The following PDE8A variants were observed in gnomAD, a reference collection of about 807,000 sequenced individuals.
PDE8A encodes the protein phosphodiesterase 8A, also known as high affinity cAMP-specific and IBMX-insensitive 3',5'-cyclic phosphodiesterase 8A.
PDE8A carries 59 observed loss-of-function variants against 105.0 expected under a neutral mutation model. The ratio of observed to expected loss-of-function variants is 0.56; its 90% CI spans 0.46 to 0.70. The LOEUF (loss-of-function observed/expected upper bound fraction) is 0.70, where lower values mean the gene tolerates loss of function less well. Among genes scored for constraint, PDE8A ranks in the 30% least tolerant of loss-of-function variants. The pLI is 0.00. For missense variants in PDE8A, 1,014 were observed against 1,045.9 expected, an observed-to-expected ratio of 0.97 and a Z score of 0.42; for synonymous variants, 355 against 371.9, an observed-to-expected ratio of 0.95 and a Z score of 0.52.
intron 1 of PDE8A, among the ~76,000 whole-genome samples, chr15:85,032,914 A>C (rs969314778): frequency 6.6e-6 from 1 of 152,144 alleles, no homozygotes; most frequent in African/African-American, 2.4e-5. Context: ...CTCCATATTC[A>C]AAAAAATTTT....
intron 3 of PDE8A, among the ~76,000 whole-genome samples, chr15:85,070,370 G>A (rs1373266450): frequency 2.0e-5 from 3 of 152,204 alleles, no homozygotes; most frequent in African/African-American, 7.2e-5. Context: ...TTTGGTACTA[G>A]AGCTACATAG....
At chr15:85,068,718 A>T (rs1038402765) in intron 3 of PDE8A, among the ~76,000 whole-genome samples, 55 of 152,260 alleles carry the variant, frequency 3.6e-4, no homozygotes, top group African/African-American at 1.3e-3. Flanking sequence ...GGACAGGGTG[A>T]GGGGCTGGAG....
chr15:85,001,152 G>C (rs1043088499), intron 1 of PDE8A, among the ~76,000 whole-genome samples: 1 of 152,014 alleles, frequency 6.6e-6, no homozygotes, highest in African/African-American at 2.4e-5. Flanking sequence ...TGAATGCCTC[G>C]AGTACTCACA....
chr15:85,023,766 A>G (rs1294198049), intron 1 of PDE8A, among the ~76,000 whole-genome samples: 1 of 152,078 alleles, frequency 6.6e-6, no homozygotes, highest in Non-Finnish European at 1.5e-5. Context: ...ATTTATGTGG[A>G]CATTGACACC....
At chr15:85,098,149 C>A in intron 9 of PDE8A, 113 bp downstream of exon 9, 1 of 704,194 alleles carries the variant, frequency 1.4e-6, no homozygotes, top group Non-Finnish European at 2.5e-6. Flanking sequence ...GGTCAGGTGT[C>A]ATCACAGAAT....
At chr15:85,072,212 G>A (rs536960713) in intron 3 of PDE8A, among the ~76,000 whole-genome samples, 7 of 152,302 alleles carry the variant, frequency 4.6e-5, no homozygotes, top group African/African-American at 1.7e-4. Flanking sequence ...GAGAAAAATA[G>A]CAAAGCACAA....
At chr15:85,056,504 G>A (rs1053691464) in intron 1 of PDE8A, among the ~76,000 whole-genome samples, 9 of 151,960 alleles carry the variant, frequency 5.9e-5, no homozygotes, top group African/African-American at 1.9e-4. Flanking sequence ...GGCTTTGTTC[G>A]TTTCTTTTTA....
intron 3 of PDE8A, among the ~76,000 whole-genome samples, chr15:85,068,648 T>C (rs1044894330): frequency 6.6e-6 from 1 of 152,056 alleles, no homozygotes; most frequent in Non-Finnish European, 1.5e-5. Flanking sequence ...CATGGTGGAA[T>C]GTTGCAAGGC....
chr15:85,000,936 A>G (rs1044179700), intron 1 of PDE8A, among the ~76,000 whole-genome samples: 1 of 152,194 alleles, frequency 6.6e-6, no homozygotes, highest in African/African-American at 2.4e-5. Context: ...CAGAACCTAC[A>G]TGCAGAGGTC....
chr15:85,136,417 C>A, intron 20 of PDE8A, 117 bp from the exon 21 acceptor site: 1 of 1,039,046 alleles, frequency 9.6e-7, no homozygotes, highest in Non-Finnish European at 1.4e-6. Flanking sequence ...TGATTGGCTT[C>A]TCACCATGAC....
chr15:85,087,680 T>A (rs2081576979), intron 6 of PDE8A, among the ~76,000 whole-genome samples: 1 of 152,166 alleles, frequency 6.6e-6, no homozygotes, highest in Admixed American at 6.5e-5. Context: ...ATTGAATAAA[T>A]CATAATATAA....
Position 85,113,442 on chromosome 15 carries a change from A to G in PDE8A, c.1180A>G (p.Thr394Ala). The G allele has an allele frequency of 6.2e-7, 1 of 1,613,674 alleles. No homozygotes were observed. The highest frequency in any genetic ancestry group is 8.5e-7 in the Non-Finnish European group (1 of 1,179,574). ...IHSMTIEAPI[T>A]KVINIINAAQ... ...TTCCATGACAATTGAGGCGCCCATC[A>G]CCAAGGTGAAGCAGTTTGTGGTCTG... The change falls in exon 13 of 22, where the codon ACC becomes GCC. Residue 394 changes from threonine to alanine, a missense_variant. By Grantham distance (58) the Thr-to-Ala change is moderately conservative. Coordinates refer to ENST00000394553, the MANE Select transcript of PDE8A (RefSeq NM_002605.3).
At chr15:85,117,986 A>C in intron 17 of PDE8A, 147 bp downstream of exon 17, 4 of 702,564 alleles carry the variant, frequency 5.7e-6, no homozygotes, top group Non-Finnish European at 1.0e-5. Flanking sequence ...ATCAGGCAGG[A>C]GGCCACATTA....
chr15:85,042,028 T>G (rs1031673987), intron 1 of PDE8A, among the ~76,000 whole-genome samples: 2 of 152,146 alleles, frequency 1.3e-5, no homozygotes, highest in African/African-American at 4.8e-5. Flanking sequence ...AATTTAGAAT[T>G]AGACATAATT....
intron 1 of PDE8A, among the ~76,000 whole-genome samples, chr15:85,040,833 A>G (rs1286436826): frequency 2.0e-5 from 3 of 152,336 alleles, no homozygotes; most frequent in East Asian, 1.9e-4. Flanking sequence ...TGCTGGGATT[A>G]CAGGCGTGAA....
intron 11 of PDE8A, among the ~76,000 whole-genome samples, chr15:85,101,570 G>A (rs780885604): frequency 3.3e-5 from 5 of 152,228 alleles, no homozygotes; most frequent in Admixed American, 6.5e-5. Context: ...GACAGTGGGA[G>A]TCTGAGGATT....
intron 1 of PDE8A, among the ~76,000 whole-genome samples, chr15:85,027,054 A>T (rs958673830): frequency 7.2e-5 from 11 of 152,206 alleles, no homozygotes; most frequent in African/African-American, 2.7e-4. Flanking sequence ...GTTCTTTGTT[A>T]TAAAGATGAG....
At chr15:85,017,644 T>A (rs1220743138) in intron 1 of PDE8A, among the ~76,000 whole-genome samples, 1 of 152,106 alleles carries the variant, frequency 6.6e-6, no homozygotes, top group Admixed American at 6.6e-5. Context: ...CCCAACACTT[T>A]GGGAGGCTGA....
intron 19 of PDE8A, among the ~76,000 whole-genome samples, chr15:85,123,924 T>C (rs2082221416): frequency 1.3e-5 from 2 of 152,224 alleles, no homozygotes; most frequent in South Asian, 4.1e-4. Flanking sequence ...CCTGCACCCT[T>C]CCTCACTAAT....
Sources: allele counts gnomAD v4.1 joint callset (sites outside exome capture counted in the v4.1 genomes callset), GRCh38; gene constraint gnomAD v4.1.1; transcripts MANE v1.5; gene names NCBI Gene and HGNC (gene_info 2026-07-23, HGNC 2026-07-21).